The following KCNN2 variants were observed in gnomAD, a reference collection of about 807,000 sequenced individuals.
The protein encoded by KCNN2 is potassium calcium-activated channel subfamily N member 2.
KCNN2 carries 24 observed loss-of-function variants against 55.5 expected under a neutral mutation model. That is an observed-to-expected ratio of 0.43 (90% confidence interval 0.31 to 0.61). KCNN2 has a LOEUF of 0.61. Among genes scored for constraint, KCNN2 ranks in the 20% least tolerant of loss-of-function variants. The pLI is 0.08. For synonymous variants in KCNN2, 431 were observed against 336.1 expected, an observed-to-expected ratio of 1.28 and a Z score of -3.09; for missense variants, 754 against 853.6, an observed-to-expected ratio of 0.88 and a Z score of 1.45.
intron 5 of KCNN2, among the ~76,000 whole-genome samples, chr5:114,476,526 C>T (rs1761974765): frequency 6.6e-6 from 1 of 151,378 alleles, no homozygotes. Flanking sequence ...TCAAGTGATT[C>T]TCCTGCCTCA....
At chr5:114,151,259 C>A (rs553188342) in intron 1 of KCNN2, among the ~76,000 whole-genome samples, 2 of 151,894 alleles carry the variant, frequency 1.3e-5, no homozygotes, top group Non-Finnish European at 2.9e-5. Flanking sequence ...TAGAGCTAAC[C>A]CTCTCACTCA....
At chr5:114,312,311 T>C (rs2150026277) in intron 2 of KCNN2, among the ~76,000 whole-genome samples, 1 of 150,360 alleles carries the variant, frequency 6.7e-6, no homozygotes, top group East Asian at 2.0e-4. Flanking sequence ...CTTCTTAAAA[T>C]AACTCAAATC....
intron 2 of KCNN2, among the ~76,000 whole-genome samples, chr5:114,394,565 C>A (rs1758561977): frequency 6.6e-6 from 1 of 152,182 alleles, no homozygotes; most frequent in African/African-American, 2.4e-5. Flanking sequence ...GTCAAAAAGG[C>A]CTTCCTTTCT....
chr5:114,143,486 A>G (rs749343266), intron 1 of KCNN2, among the ~76,000 whole-genome samples: 38 of 152,140 alleles, frequency 2.5e-4, no homozygotes, highest in Non-Finnish European at 5.3e-4. Flanking sequence ...GGCCTAAAAG[A>G]GCCATGGCAA....
At chr5:114,213,996 A>G (rs1181084669) in intron 1 of KCNN2, among the ~76,000 whole-genome samples, 1 of 152,020 alleles carries the variant, frequency 6.6e-6, no homozygotes, top group Non-Finnish European at 1.5e-5. Flanking sequence ...TGCTTCACAT[A>G]CATTACCTAA....
At chr5:114,483,194 A>G (rs573392851) in intron 5 of KCNN2, among the ~76,000 whole-genome samples, 1 of 151,920 alleles carries the variant, frequency 6.6e-6, no homozygotes, top group African/African-American at 2.4e-5. Flanking sequence ...CCTGGCCTGT[A>G]TACTTGTGAA....
intron 2 of KCNN2, among the ~76,000 whole-genome samples, chr5:114,354,509 T>G (rs1050437760): frequency 6.6e-6 from 1 of 152,054 alleles, no homozygotes; most frequent in Non-Finnish European, 1.5e-5. Context: ...AACCTGAGGA[T>G]TAAGCCAATA....
chr5:114,394,530 TTTATC>T (rs1445247082), intron 2 of KCNN2, among the ~76,000 whole-genome samples: 1 of 152,214 alleles, frequency 6.6e-6, no homozygotes, highest in Non-Finnish European at 1.5e-5. Flanking sequence ...GATGCAGTAT[TTTATC>T]TTGAGACTCT....
At chr5:114,373,425 T>C (rs1440856235) in intron 2 of KCNN2, among the ~76,000 whole-genome samples, 1 of 151,336 alleles carries the variant, frequency 6.6e-6, no homozygotes, top group Non-Finnish European at 1.5e-5. Flanking sequence ...CTGACAATTT[T>C]CTCTAAACTT....
intron 1 of KCNN2, among the ~76,000 whole-genome samples, chr5:114,138,997 T>C (rs1003991835): frequency 2.0e-5 from 3 of 152,188 alleles, no homozygotes; most frequent in Non-Finnish European, 4.4e-5. Context: ...ATACCTTTTA[T>C]AGTTTCTACA....
chr5:114,068,639 C>T (rs188161692), intron 1 of KCNN2, among the ~76,000 whole-genome samples: 1 of 152,188 alleles, frequency 6.6e-6, no homozygotes, highest in South Asian at 2.1e-4. Context: ...AGAAGCTCTG[C>T]CTCTCCCAGT....
intron 2 of KCNN2, among the ~76,000 whole-genome samples, chr5:114,287,714 A>G (rs192990813): frequency 2.3e-4 from 35 of 151,914 alleles, no homozygotes; most frequent in African/African-American, 8.2e-4. Context: ...ATGTATACCT[A>G]TGTAACCTGC....
At chr5:114,152,704 G>C (rs953246859) in intron 1 of KCNN2, among the ~76,000 whole-genome samples, 12 of 152,152 alleles carry the variant, frequency 7.9e-5, no homozygotes, top group Non-Finnish European at 1.8e-4. Context: ...GGAATGGTCA[G>C]GGTAGCTATC....
intron 1 of KCNN2, among the ~76,000 whole-genome samples, chr5:114,134,863 A>G (rs1425045611): frequency 2.0e-5 from 3 of 152,232 alleles, no homozygotes; most frequent in Non-Finnish European, 2.9e-5. Context: ...GTGAAAGAGC[A>G]AAGTACATTA....
intron 1 of KCNN2, among the ~76,000 whole-genome samples, chr5:114,165,427 G>A (rs1228020618): frequency 3.3e-5 from 5 of 152,080 alleles, no homozygotes; most frequent in African/African-American, 7.2e-5. Context: ...ATGATCTTAC[G>A]GCCACTTTGC....
chr5:114,478,017 G>C (rs1762050308), intron 5 of KCNN2, among the ~76,000 whole-genome samples: 1 of 152,188 alleles, frequency 6.6e-6, no homozygotes, highest in South Asian at 2.1e-4. Context: ...ACATTAAAAT[G>C]AATCACTTGG....
chr5:114,496,104 T>C lies in KCNN2; in HGVS notation c.2298T>C (p.Asn766=), dbSNP rs1309905248. Residue 766 remains asparagine, a synonymous_variant, in exon 8 of 8, where the codon AAT becomes AAC. Coordinates refer to ENST00000673685, the MANE Select transcript of KCNN2 (RefSeq NM_021614.4). ...GCTACGACAAGCACGTCACTTACAA[T>C]GCTGAGCGGTCCCGGTCCTCGTCCA... ...MESYDKHVTY[N]AERSRSSSRR... The C allele has an allele frequency of 1.2e-6, 2 of 1,614,048 alleles. No homozygotes were observed. Among genetic ancestry groups the C allele is most frequent in the Middle Eastern group, 1.7e-4 (1 of 6,060 alleles).
At chr5:114,109,716 G>T (rs908318770) in intron 1 of KCNN2, among the ~76,000 whole-genome samples, 1 of 152,060 alleles carries the variant, frequency 6.6e-6, no homozygotes, top group Non-Finnish European at 1.5e-5. Context: ...CCAAACTGTG[G>T]CTCCTTAATG....
chr5:114,166,763 C>T (rs922676406), intron 1 of KCNN2, among the ~76,000 whole-genome samples: 9 of 152,018 alleles, frequency 5.9e-5, no homozygotes, highest in African/African-American at 7.3e-5. Context: ...AATCCCAACC[C>T]GTAATATGAT....
Sources: allele counts gnomAD v4.1 joint callset (sites outside exome capture counted in the v4.1 genomes callset), GRCh38; gene constraint gnomAD v4.1.1; transcripts MANE v1.5; gene names NCBI Gene and HGNC (gene_info 2026-07-23, HGNC 2026-07-21).